ARNT2: variants seen among roughly 807,000 people sequenced by gnomAD.
The protein encoded by ARNT2 is aryl hydrocarbon receptor nuclear translocator 2.
A neutral mutation model predicts 91.7 loss-of-function variants in ARNT2; 36 were observed. The ratio of observed to expected loss-of-function variants is 0.39; its 90% CI spans 0.30 to 0.52. ARNT2 has a LOEUF of 0.52. ARNT2 is among the 20% of genes least tolerant of loss of function. ARNT2 has a pLI of 0.72. For synonymous variants in ARNT2, 365 were observed against 347.1 expected (o/e 1.05, Z -0.57); for missense variants, 775 against 939.3 (o/e 0.83, Z 2.29).
intron 1 of ARNT2, among the ~76,000 whole-genome samples, chr15:80,432,546 C>T (rs1389170481): frequency 1.3e-5 from 2 of 152,162 alleles, no homozygotes; most frequent in African/African-American, 4.8e-5. Context: ...GCTTTTGTAC[C>T]ATAACTGCAG....
intron 5 of ARNT2, among the ~76,000 whole-genome samples, chr15:80,506,196 A>G (rs1250043684): frequency 3.9e-5 from 6 of 151,998 alleles, no homozygotes; most frequent in African/African-American, 1.5e-4. Flanking sequence ...TCGGCCTCCC[A>G]AAGTGCTGGG....
At chr15:80,423,649 G>C (rs1440903553) in intron 1 of ARNT2, among the ~76,000 whole-genome samples, 2 of 152,108 alleles carry the variant, frequency 1.3e-5, no homozygotes, top group Non-Finnish European at 2.9e-5. Context: ...ATTAGTAAGT[G>C]AGTTTGCTAA....
In ARNT2 at chr15:80,451,099, C is replaced by A. The variant is rs555828558; in HGVS notation, c.146+105C>A. The A allele has an allele frequency of 3.6e-6, 4 of 1,097,920 alleles. No individual in the cohort carries two copies. In the African/African-American group the frequency reaches 6.3e-5, roughly 17 times the overall value. The allele number at this position is 1,097,920 out of a possible 1,614,324, so 68.0% of individuals were successfully genotyped here. On this transcript the variant is annotated intron_variant, in intron 2 of 18. Transcript: ENST00000303329. ...CTCCCCTTCCTGTAGAATAAAAGCT[C>A]AGCAGTTTGCATCCTGTTTAACTTT...
intron 5 of ARNT2, among the ~76,000 whole-genome samples, chr15:80,478,233 C>T (rs1452599070): frequency 6.6e-6 from 1 of 152,204 alleles, no homozygotes; most frequent in African/African-American, 2.4e-5. Context: ...TATGTGACCA[C>T]AGGATGTGGC....
chr15:80,575,465 A>G (rs1898658070), intron 14 of ARNT2, among the ~76,000 whole-genome samples: 1 of 152,098 alleles, frequency 6.6e-6, no homozygotes, highest in African/African-American at 2.4e-5. Context: ...AAGGAGGGAG[A>G]ACTGTCACAT....
At chr15:80,432,110 C>T (rs544924067) in intron 1 of ARNT2, among the ~76,000 whole-genome samples, 2 of 152,340 alleles carry the variant, frequency 1.3e-5, no homozygotes, top group South Asian at 4.1e-4. Context: ...GGCCTACTGT[C>T]AATAGGTAAA....
chr15:80,515,033 A>C (rs1380078246), intron 8 of ARNT2, among the ~76,000 whole-genome samples: 1 of 152,242 alleles, frequency 6.6e-6, no homozygotes, highest in African/African-American at 2.4e-5. Flanking sequence ...AGTGTATCTA[A>C]ATCATTACAG....
intron 5 of ARNT2, among the ~76,000 whole-genome samples, chr15:80,482,376 G>C (rs952036402): frequency 2.6e-5 from 4 of 152,096 alleles, no homozygotes; most frequent in Non-Finnish European, 5.9e-5. Context: ...TTGATGCACA[G>C]GAAGGGTTGA....
At chr15:80,502,025 C>T (rs1223695238) in intron 5 of ARNT2, among the ~76,000 whole-genome samples, 2 of 152,214 alleles carry the variant, frequency 1.3e-5, no homozygotes, top group Admixed American at 6.5e-5. Flanking sequence ...GGGCCTCTTA[C>T]AAAGCCAGCC....
chr15:80,495,951 G>C lies in ARNT2; in HGVS notation c.623-12205G>C, dbSNP rs867621018. On this transcript the variant is annotated intron_variant, in intron 5 of 18. Coordinates refer to ENST00000303329, the MANE Select transcript of ARNT2 (RefSeq NM_014862.4). Reference sequence around the variant, plus strand: ...CTCTCCAACATGAAGCACTCTCTCTGTCTGCTCTGTGCTGCCTTTGCATTT... The same window carrying C: ...CTCTCCAACATGAAGCACTCTCTCTCTCTGCTCTGTGCTGCCTTTGCATTT... Among the ~76,000 whole-genome samples the C allele has an allele frequency of 3.9e-5, 6 of 152,152 alleles. No homozygotes were observed. In the South Asian group the frequency reaches 1.2e-3, roughly 32 times the overall value.
At chr15:80,502,023 T>C (rs1349528878) in intron 5 of ARNT2, among the ~76,000 whole-genome samples, 2 of 152,216 alleles carry the variant, frequency 1.3e-5, no homozygotes, top group African/African-American at 4.8e-5. Flanking sequence ...TGGGGCCTCT[T>C]ACAAAGCCAG....
At position 80,528,911 on chromosome 15, in the gene ARNT2, T is replaced by C. The variant is rs144334471; in HGVS notation, c.877+14506T>C. Among the ~76,000 whole-genome samples, 844 of 152,290 alleles carry C rather than the reference T, an allele frequency of 5.5e-3. 11 individuals are homozygous for C. Among genetic ancestry groups the C allele is most frequent in the African/African-American group, 0.019 (778 of 41,536 alleles). ...ACAAAACAGACTAAGACACAAATCT[T>C]TTTCAAGAAACAGGTTTGCCATTTC... On this transcript the variant is annotated intron_variant, in intron 8 of 18. Coordinates refer to ENST00000303329, the MANE Select transcript of ARNT2 (RefSeq NM_014862.4).
chr15:80,508,841 T>C (rs537253373), intron 6 of ARNT2, among the ~76,000 whole-genome samples: 3 of 152,298 alleles, frequency 2.0e-5, no homozygotes, highest in Admixed American at 6.5e-5. Context: ...CAGGAATGAA[T>C]GAACTTTGGA....
chr15:80,522,835 T>TATATAC (rs1566992753), intron 8 of ARNT2, among the ~76,000 whole-genome samples: 7 of 149,082 alleles, frequency 4.7e-5, no homozygotes, highest in East Asian at 3.9e-4. Flanking sequence ...TATATATATA[T>TATATAC]ACACACATTA....
intron 8 of ARNT2, among the ~76,000 whole-genome samples, chr15:80,519,085 A>G (rs1045107525): frequency 3.7e-4 from 56 of 152,196 alleles, no homozygotes; most frequent in Admixed American, 2.2e-3. Context: ...CATTCATTCA[A>G]CACGTATTTG....
chr15:80,533,598 A>G (rs1481083990), intron 8 of ARNT2, among the ~76,000 whole-genome samples: 1 of 152,160 alleles, frequency 6.6e-6, no homozygotes, highest in Non-Finnish European at 1.5e-5. Context: ...GACATGGGGG[A>G]GAAGCCAGCC....
In ARNT2 at chr15:80,563,070, C is replaced by T. The variant is rs1487322721; in HGVS notation, c.1165-18C>T. 1.2e-6 allele frequency: 2 copies of T among 1,614,016 alleles called. No homozygotes were observed. Among genetic ancestry groups the T allele is most frequent in the African/African-American group, 1.3e-5 (1 of 74,938 alleles). On this transcript the variant is annotated intron_variant, in intron 11 of 18. Coordinates refer to ENST00000303329, the MANE Select transcript of ARNT2 (RefSeq NM_014862.4). ...CATCCTTCCTCCTGCTGACTTCCTT[C>T]TCCAAATGTTTTCTCAGGTGGTTAA...
intron 11 of ARNT2, among the ~76,000 whole-genome samples, chr15:80,557,981 C>T (rs1898228618): frequency 6.6e-6 from 1 of 152,176 alleles, no homozygotes; most frequent in Non-Finnish European, 1.5e-5. Context: ...TATACCTGGC[C>T]CCGTCTCATC....
Position 80,597,086 on chromosome 15 carries a change from G to A in ARNT2, c.*3388G>A. On this transcript the variant is annotated 3_prime_UTR_variant, in exon 19 of 19. Coordinates refer to ENST00000303329, the MANE Select transcript of ARNT2 (RefSeq NM_014862.4). Reference sequence around the variant, plus strand: ...CTGGTTGTTAAGGAACTTACACTGGGGAGCTTTACTCTTCCGTGTCAACAA... The same window carrying A: ...CTGGTTGTTAAGGAACTTACACTGGAGAGCTTTACTCTTCCGTGTCAACAA... 1 of 511,456 alleles carries A rather than the reference G, an allele frequency of 2.0e-6. No individual in the cohort carries two copies. The highest frequency in any genetic ancestry group is 3.9e-6 in the Non-Finnish European group (1 of 255,422). 31.7% of individuals were successfully genotyped at this position (511,456 alleles called of 1,614,324 possible).
Sources: allele counts gnomAD v4.1 joint callset (sites outside exome capture counted in the v4.1 genomes callset), GRCh38; gene constraint gnomAD v4.1.1; transcripts MANE v1.5; gene names NCBI Gene and HGNC (gene_info 2026-07-23, HGNC 2026-07-21).